The following PGD variants were observed in gnomAD, a reference collection of about 807,000 sequenced individuals.
PGD encodes 6-phosphogluconate dehydrogenase, decarboxylating.
PGD carries 21 observed loss-of-function variants against 60.4 expected under a neutral mutation model. The observed-to-expected ratio is 0.35, with a 90% CI of 0.25 to 0.50. PGD has a LOEUF of 0.50. PGD is among the 20% of genes least tolerant of loss of function. The probability of loss-of-function intolerance (pLI) is 0.98; values close to 1 mark genes in which losing one functional copy is unlikely to be tolerated. For synonymous variants in PGD, 230 were observed against 235.9 expected, an observed-to-expected ratio of 0.97 and a Z score of 0.23; for missense variants, 477 against 613.1, an observed-to-expected ratio of 0.78 and a Z score of 2.34.
intron 10 of PGD, among the ~76,000 whole-genome samples, chr1:10,418,145 C>T (rs535529583): frequency 2.6e-5 from 4 of 152,348 alleles, no homozygotes; most frequent in East Asian, 1.9e-4. Context: ...AGCATTTCTA[C>T]ACATGACGTT....
Position 10,419,698 on chromosome 1 carries a change from C to T in PGD, c.1401C>T (p.Thr467=). 2 of 1,614,184 alleles carry T rather than the reference C, an allele frequency of 1.2e-6. No individual in the cohort carries two copies. The highest frequency in any genetic ancestry group is 8.5e-7 in the Non-Finnish European group (1 of 1,180,010). ...CCAAACCAGGGCAGTTTATCCACAC[C>T]AACTGGACAGGCCATGGTGGCACCG... ...LLAKPGQFIH[T]NWTGHGGTVS... is the part of the protein sequence containing the mutation. Residue 467 remains threonine (T), a synonymous_variant, in exon 13 of 13, where the codon ACC becomes ACT. Coordinates refer to ENST00000270776, the MANE Select transcript of PGD (RefSeq NM_002631.4).
intron 8 of PGD, among the ~76,000 whole-genome samples, chr1:10,415,684 C>T (rs777401333): frequency 6.6e-6 from 1 of 152,200 alleles, no homozygotes; most frequent in Non-Finnish European, 1.5e-5. Context: ...AGTCTCAAGC[C>T]ATAGCTGCTC....
chr1:10,416,612 G>A (rs1339702105), intron 8 of PGD, among the ~76,000 whole-genome samples: 4 of 152,148 alleles, frequency 2.6e-5, no homozygotes, highest in South Asian at 2.1e-4. Flanking sequence ...GGTTGAGTCC[G>A]AAGAGTCAGC....
At position 10,413,197 on chromosome 1, in the gene PGD, G is replaced by A; in HGVS notation, c.790G>A (p.Gly264Arg). 1 of 1,614,210 alleles carries A rather than the reference G, an allele frequency of 6.2e-7. No individual in the cohort carries two copies. Among genetic ancestry groups the A allele is most frequent in the Non-Finnish European group, 8.5e-7 (1 of 1,180,040 alleles). The change falls in exon 8 of 13, where the codon GGG (glycine) becomes AGG (arginine). Residue 264 changes from glycine to arginine, a missense_variant. Physicochemically the swap from Gly to Arg is moderately radical, Grantham distance 125. Transcript: ENST00000270776. Reference protein sequence around the residue: ...IRDSAGQKGTGKWTAISALEY... With the variant: ...IRDSAGQKGTRKWTAISALEY... The stretch of plus-strand genomic sequence containing the variant: ...GGACAGCGCGGGGCAGAAGGGCACA[G>A]GGAAGTGGACCGCCATCTCCGCCCT...
At chr1:10,405,004 G>C (rs1056158224) in intron 5 of PGD, among the ~76,000 whole-genome samples, 1 of 152,158 alleles carries the variant, frequency 6.6e-6, no homozygotes, top group Non-Finnish European at 1.5e-5. Flanking sequence ...TTTGAGCCCA[G>C]GAGTTGAAGA....
At position 10,418,873 on chromosome 1, in the gene PGD, T is replaced by A. The variant is rs947932101; in HGVS notation, c.1157T>A (p.Leu386His). The A allele has an allele frequency of 1.9e-6, 3 of 1,612,616 alleles. No individual in the cohort carries two copies. The highest frequency in any genetic ancestry group is 2.5e-6 in the Non-Finnish European group (3 of 1,178,818). ...IKDAFDRNPE[L>H]QNLLLDDFFK... ...GATGCATTTGATCGAAACCCGGAAC[T>A]TCAGAACCTCCTACTGGACGACTTC... Residue 386 changes from leucine (L) to histidine (H), a missense_variant, in exon 11 of 13, where the codon CTT (leucine) becomes CAT (histidine). By Grantham distance (99) the Leu-to-His change is moderately conservative. Coordinates refer to ENST00000270776, the MANE Select transcript of PGD (RefSeq NM_002631.4).
Position 10,413,271 on chromosome 1 carries a change from A to G in PGD, c.844+20A>G, listed in dbSNP as rs758819700. 4 of 1,605,746 alleles carry G rather than the reference A, an allele frequency of 2.5e-6. No homozygotes were observed. The highest frequency in any genetic ancestry group is 1.1e-5 in the South Asian group (1 of 90,824). On this transcript the variant is annotated intron_variant, in intron 8 of 12. Coordinates refer to ENST00000270776, the MANE Select transcript of PGD (RefSeq NM_002631.4). ...TCATTGGTAATGTTATGCTTTTCAC[A>G]TGGGCCCTTTCGTCCACTATTCTGA...
At position 10,399,698 on chromosome 1, in the gene PGD, C is replaced by G; in HGVS notation, c.78C>G (p.Gly26=). 6.2e-7 allele frequency: 1 copy of G among 1,613,936 alleles called. No individual in the cohort carries two copies. Among genetic ancestry groups the G allele is most frequent in the South Asian group, 1.1e-5 (1 of 91,088 alleles). The change falls in exon 2 of 13, where the codon GGC becomes GGG. Residue 26 remains glycine (G), a synonymous_variant. Transcript: ENST00000270776. ...TAATTCTGAACATGAATGACCACGGCTTTGTGGTAAGCGGCGTGGGCGCGT... is the reference window on the plus strand; with the variant it reads ...TAATTCTGAACATGAATGACCACGGGTTTGTGGTAAGCGGCGTGGGCGCGT... ...QNLILNMNDH[G]FVVCAFNRTV... is the part of the protein sequence containing the mutation.
rs374170623 is a variant in PGD at position 10,399,083 on chromosome 1, C to T, written c.-35C>T. The stretch of plus-strand genomic sequence containing the variant: ...GTCTTTCCCTCACTCGTCCTCCGCG[C>T]GTCGCCGCTCTTCGGTTCTGCTCTG... On this transcript the variant is annotated 5_prime_UTR_variant, in exon 1 of 13. Transcript: ENST00000270776. 1.9e-6 allele frequency: 3 copies of T among 1,608,946 alleles called. No homozygotes were observed. Among genetic ancestry groups the T allele is most frequent in the Non-Finnish European group, 2.5e-6 (3 of 1,179,498 alleles).
chr1:10,408,493 C>T (rs1464904115), intron 6 of PGD, among the ~76,000 whole-genome samples: 1 of 152,198 alleles, frequency 6.6e-6, no homozygotes, highest in Non-Finnish European at 1.5e-5. Context: ...CGTTTGCTTG[C>T]ATGGGTGAAA....
chr1:10,410,986 GAAAA>G (rs945321005), intron 6 of PGD, among the ~76,000 whole-genome samples: 1 of 150,004 alleles, frequency 6.7e-6, no homozygotes, highest in Non-Finnish European at 1.5e-5. Flanking sequence ...TTTATATTTT[GAAAA>G]AAAACAAGTG....
chr1:10,410,401 C>T (rs1467097157), intron 6 of PGD, among the ~76,000 whole-genome samples: 3 of 151,680 alleles, frequency 2.0e-5, no homozygotes, highest in Non-Finnish European at 2.9e-5. Flanking sequence ...AAGATCACAC[C>T]GCTGCACTCC....
chr1:10,399,408 C>T (rs1639270581), intron 1 of PGD: 2 of 464,468 alleles, frequency 4.3e-6, no homozygotes, highest in Non-Finnish European at 7.3e-6. Context: ...GGGACACCTG[C>T]GGGACGCGTG....
At chr1:10,410,057 G>C (rs1018530236) in intron 6 of PGD, among the ~76,000 whole-genome samples, 1 of 152,082 alleles carries the variant, frequency 6.6e-6, no homozygotes, top group African/African-American at 2.4e-5. Flanking sequence ...CTTAGTTCAT[G>C]GCTGAAGTGG....
intron 1 of PGD, 98 bp from the exon 2 acceptor site, chr1:10,399,531 A>T: frequency 9.2e-7 from 1 of 1,084,262 alleles, no homozygotes. Context: ...GAAAGTGCAG[A>T]CTCCCAGTCA....
At chr1:10,411,657 C>T (rs1639503041) in intron 7 of PGD, 105 bp downstream of exon 7, 1 of 1,292,648 alleles carries the variant, frequency 7.7e-7, no homozygotes, top group African/African-American at 1.4e-5. Context: ...ATTCGGGTGG[C>T]CTGCATGGAC....
intron 8 of PGD, among the ~76,000 whole-genome samples, chr1:10,414,119 T>G (rs1023159257): frequency 3.3e-5 from 5 of 152,280 alleles, no homozygotes; most frequent in Non-Finnish European, 7.4e-5. Context: ...AATTTACTTT[T>G]TTCCCCTAGA....
chr1:10,414,987 A>T (rs1268242710), intron 8 of PGD, among the ~76,000 whole-genome samples: 1 of 151,590 alleles, frequency 6.6e-6, no homozygotes, highest in African/African-American at 2.4e-5. Context: ...GCTACTCAGG[A>T]GGCTGAGGCA....
chr1:10,419,415 A>G lies in PGD; in HGVS notation c.1210-2A>G, dbSNP rs1393693797. The G allele has an allele frequency of 6.2e-7, 1 of 1,612,514 alleles. No individual in the cohort carries two copies. The highest frequency in any genetic ancestry group is 1.3e-5 in the African/African-American group (1 of 74,910). The stretch of plus-strand genomic sequence containing the variant: ...ATCTCTGGCCGTGCGTTTTGTGCTC[A>G]GGACTCCTGGCGGCGGGCAGTCAGC... On this transcript the variant is annotated splice_acceptor_variant, in intron 11 of 12. Coordinates refer to ENST00000270776, the MANE Select transcript of PGD (RefSeq NM_002631.4). LOFTEE classifies it high-confidence loss of function.
Sources: gnomAD v4.1 joint callset for allele counts (sites outside exome capture counted in the v4.1 genomes callset) on GRCh38, gnomAD v4.1.1 for gene constraint, MANE v1.5 for transcripts, NCBI Gene and HGNC (gene_info 2026-07-23, HGNC 2026-07-21) for gene names.